The following AATF variants were observed in gnomAD, a reference collection of about 807,000 sequenced individuals.
AATF encodes apoptosis antagonizing transcription factor, also known as protein AATF.
AATF carries 48 observed loss-of-function variants against 63.7 expected under a neutral mutation model. The observed-to-expected ratio is 0.75, with a 90% confidence interval of 0.60 to 0.96. The LOEUF is 0.96. Ranked by LOEUF, AATF falls within the 40% of genes least tolerant of loss-of-function variation. The pLI is 0.00. For synonymous variants in AATF, 258 were observed against 247.7 expected (o/e 1.04, Z -0.39); for missense variants, 639 against 685.7 (o/e 0.93, Z 0.76).
rs188222640 is a variant in AATF at position 36,996,374 on chromosome 17, C to T, written c.1398+5517C>T. ...ATCTGAGACCAGGAGGTCGAAGCTA[C>T]GGTGAGCCAAGATCGCATCACTACA... On this transcript the variant is annotated intron_variant, in intron 8 of 11. Transcript: ENST00000619387. Among the ~76,000 whole-genome samples, 13 of 152,224 alleles carry T rather than the reference C, an allele frequency of 8.5e-5. No homozygotes were observed. In the East Asian group the frequency reaches 1.4e-3, roughly 16 times the overall value.
At chr17:37,004,891 G>T (rs1056632206) in intron 8 of AATF, among the ~76,000 whole-genome samples, 5 of 152,184 alleles carry the variant, frequency 3.3e-5, no homozygotes, top group African/African-American at 1.2e-4. Context: ...CATCCATGTG[G>T]ATGCAGGTAC....
intron 11 of AATF, among the ~76,000 whole-genome samples, chr17:37,051,670 A>C (rs1215778290): frequency 3.3e-5 from 5 of 150,594 alleles, no homozygotes; most frequent in Non-Finnish European, 5.9e-5. Context: ...AATAAGCCGA[A>C]TCCTAAGACA....
intron 10 of AATF, among the ~76,000 whole-genome samples, chr17:37,024,498 A>G (rs1401001191): frequency 2.6e-5 from 4 of 152,238 alleles, no homozygotes; most frequent in African/African-American, 7.2e-5. Context: ...CAACTGGCCT[A>G]TACCAGCACC....
intron 8 of AATF, among the ~76,000 whole-genome samples, chr17:37,013,976 A>G (rs2071411220): frequency 6.6e-6 from 1 of 152,048 alleles, no homozygotes; most frequent in South Asian, 2.1e-4. Flanking sequence ...GCGTGGCTGC[A>G]CACCAGGCCT....
At chr17:36,987,857 G>T (rs982912132) in intron 5 of AATF, among the ~76,000 whole-genome samples, 1 of 152,200 alleles carries the variant, frequency 6.6e-6, no homozygotes, top group African/African-American at 2.4e-5. Context: ...GATTAAGGTC[G>T]TAGAAATATG....
At chr17:36,957,825 G>A (rs945800603) in intron 4 of AATF, among the ~76,000 whole-genome samples, 4 of 152,006 alleles carry the variant, frequency 2.6e-5, no homozygotes, top group Non-Finnish European at 5.9e-5. Flanking sequence ...CCTAACTATT[G>A]CCTCTAAAAT....
rs553766604 is a variant in AATF at position 36,987,054 on chromosome 17, C to T, written c.947+323C>T. Among the ~76,000 whole-genome samples the T allele has an allele frequency of 1.1e-3, 172 of 152,224 alleles. 1 individual carries two copies. The highest frequency in any genetic ancestry group is 3.7e-3 in the Admixed American group (56 of 15,292). ...CCAGGCTGGAGTGCAGTGATGTGATCGCAGCTCACTGCAGCCTCAAACTCC... is the reference window on the plus strand; with the variant it reads ...CCAGGCTGGAGTGCAGTGATGTGATTGCAGCTCACTGCAGCCTCAAACTCC... On this transcript the variant is annotated intron_variant, in intron 5 of 11. Coordinates refer to ENST00000619387, the MANE Select transcript of AATF (RefSeq NM_012138.4).
intron 11 of AATF, among the ~76,000 whole-genome samples, chr17:37,040,366 A>G (rs527690927): frequency 1.3e-5 from 2 of 152,286 alleles, no homozygotes; most frequent in African/African-American, 4.8e-5. Flanking sequence ...CTGATGGGCA[A>G]TGAAATAATA....
chr17:36,953,096 A>G lies in AATF; in HGVS notation c.494A>G (p.Asp165Gly). Residue 165 changes from aspartate (D) to glycine (G), a missense_variant, in exon 3 of 12, where the codon GAT becomes GGT. Coordinates refer to ENST00000619387, the MANE Select transcript of AATF (RefSeq NM_012138.4). ...TTTGAGAAATTTACCAAGGGAATGG[A>G]TGACCTTGGGAGCAGTGAGGAGGAG... ...SDFEKFTKGM[D>G]DLGSSEEEED... 2 of 1,614,186 alleles carry G rather than the reference A, an allele frequency of 1.2e-6. No individual in the cohort carries two copies. Among genetic ancestry groups the G allele is most frequent in the South Asian group, 1.1e-5 (1 of 91,080 alleles).
chr17:36,971,227 A>G (rs939081783), intron 4 of AATF, among the ~76,000 whole-genome samples: 2 of 152,216 alleles, frequency 1.3e-5, no homozygotes, highest in African/African-American at 4.8e-5. Context: ...AAACTCAACA[A>G]TAAAAAATAC....
intron 11 of AATF, chr17:37,043,326 T>C (rs1305276770): frequency 6.6e-6 from 1 of 152,284 alleles, no homozygotes; most frequent in Non-Finnish European, 1.5e-5. Context: ...TGCATGTCTG[T>C]TCATTCTGCT....
At position 37,018,925 on chromosome 17, in the gene AATF, C is replaced by T; in HGVS notation, c.1399-80C>T. On this transcript the variant is annotated intron_variant, in intron 8 of 11. Transcript: ENST00000619387. Reference sequence around the variant, plus strand: ...GTTTTAGAGCTGTCACTATGCCATTCAGAATTCCTTCTCTGCCCTTTTAAA... The same window carrying T: ...GTTTTAGAGCTGTCACTATGCCATTTAGAATTCCTTCTCTGCCCTTTTAAA... 3 of 1,172,096 alleles carry T rather than the reference C, an allele frequency of 2.6e-6. No individual in the cohort carries two copies. In the South Asian group the frequency reaches 3.7e-5, roughly 14 times the overall value. 72.6% of individuals were successfully genotyped at this position (1,172,096 alleles called of 1,614,324 possible). A position where few individuals can be genotyped will look rare whatever the true frequency, so the allele number is the denominator to read the frequency against.
chr17:36,981,557 C>T lies in AATF; in HGVS notation c.833-5060C>T, dbSNP rs563119019. Among the ~76,000 whole-genome samples the T allele has an allele frequency of 2.4e-4, 36 of 151,766 alleles. 2 individuals carry two copies. Among genetic ancestry groups the T allele is most frequent in the African/African-American group, 8.4e-4 (35 of 41,422 alleles). ...CTCCTGGGCTCAAGTGATCCTCCCA[C>T]CTCAGCCTCCCAAGTATCAGGGACT... On this transcript the variant is annotated intron_variant, in intron 4 of 11. Transcript: ENST00000619387.
At position 36,949,130 on chromosome 17, in the gene AATF, C is replaced by G; in HGVS notation, c.5C>G (p.Ala2Gly). 4 of 1,576,610 alleles carry G rather than the reference C, an allele frequency of 2.5e-6. No homozygotes were observed. The highest frequency in any genetic ancestry group is 3.4e-6 in the Non-Finnish European group (4 of 1,162,528). Reference protein sequence around the residue: MAGPQPLALQLE... With the variant: MGGPQPLALQLE... ...GTGGACCGGGAGCTGGTGACGATGG[C>G]GGGGCCGCAGCCCCTGGCGCTGCAA... is the stretch of plus-strand genomic sequence containing the variant. Residue 2 changes from alanine (A) to glycine (G), a missense_variant, in exon 1 of 12, where the codon GCG (alanine) becomes GGG (glycine). Coordinates refer to ENST00000619387, the MANE Select transcript of AATF (RefSeq NM_012138.4).
intron 10 of AATF, among the ~76,000 whole-genome samples, chr17:37,024,985 T>C (rs148715661): frequency 3.8e-4 from 58 of 151,944 alleles, no homozygotes; most frequent in African/African-American, 1.4e-3. Flanking sequence ...TTGTAGGAGA[T>C]TTTCTATAAA....
intron 8 of AATF, among the ~76,000 whole-genome samples, chr17:37,004,892 A>C (rs796172146): frequency 1.3e-5 from 2 of 152,308 alleles, no homozygotes; most frequent in African/African-American, 4.8e-5. Flanking sequence ...ATCCATGTGG[A>C]TGCAGGTACT....
At chr17:37,004,340 G>T (rs1480869634) in intron 8 of AATF, among the ~76,000 whole-genome samples, 1 of 152,176 alleles carries the variant, frequency 6.6e-6, no homozygotes, top group Non-Finnish European at 1.5e-5. Context: ...AAAAAAGAGA[G>T]AGAGTGAGAG....
At chr17:37,039,454 C>A (rs2071619073) in intron 11 of AATF, among the ~76,000 whole-genome samples, 1 of 152,220 alleles carries the variant, frequency 6.6e-6, no homozygotes, top group South Asian at 2.1e-4. Context: ...GGTTCCCTCT[C>A]TTCCTTATCA....
intron 11 of AATF, among the ~76,000 whole-genome samples, chr17:37,048,035 T>G (rs2071708875): frequency 6.6e-6 from 1 of 152,200 alleles, no homozygotes; most frequent in African/African-American, 2.4e-5. Flanking sequence ...ACTGCTTTCT[T>G]TCCCCTTTAC....
Sources: allele counts gnomAD v4.1 joint callset (sites outside exome capture counted in the v4.1 genomes callset), GRCh38; gene constraint gnomAD v4.1.1; transcripts MANE v1.5; gene names NCBI Gene and HGNC (gene_info 2026-07-23, HGNC 2026-07-21).